The following DNTT variants were observed in gnomAD, a reference collection of about 807,000 sequenced individuals.
DNTT encodes the protein DNA nucleotidylexotransferase, also known as nucleosidetriphosphate:DNA deoxynucleotidylexotransferase.
In DNTT, 47 loss-of-function variants were observed where a neutral mutation model predicts 60.9. That is an observed-to-expected ratio of 0.77 (90% CI 0.61 to 0.98). DNTT has a LOEUF of 0.98. Ranked by LOEUF, DNTT falls within the 50% of genes least tolerant of loss-of-function variation. DNTT has a pLI of 0.00. For missense variants in DNTT, 665 were observed against 627.5 expected, an observed-to-expected ratio of 1.06 and a Z score of -0.64; for synonymous variants, 224 against 221.2, an observed-to-expected ratio of 1.01 and a Z score of -0.11.
At chr10:96,310,152 C>T (rs747282822) in intron 1 of DNTT, among the ~76,000 whole-genome samples, 12 of 152,206 alleles carry the variant, frequency 7.9e-5, no homozygotes, top group Non-Finnish European at 1.6e-4. Context: ...AGGGGCACAC[C>T]CTTCCCCTAG....
intron 1 of DNTT, among the ~76,000 whole-genome samples, chr10:96,305,955 TC>T (rs752975773): frequency 1.4e-4 from 22 of 152,172 alleles, no homozygotes; most frequent in Non-Finnish European, 2.5e-4. Context: ...ACTCTGAATC[TC>T]ATTTTCTAAC....
chr10:96,311,086 C>T (rs1454972032), intron 1 of DNTT, among the ~76,000 whole-genome samples: 1 of 152,124 alleles, frequency 6.6e-6, no homozygotes, highest in Non-Finnish European at 1.5e-5. Flanking sequence ...GAGACAGAAA[C>T]CTGTCCTTAG....
chr10:96,330,331 T>C (rs1466714252), intron 8 of DNTT, among the ~76,000 whole-genome samples: 2 of 151,538 alleles, frequency 1.3e-5, no homozygotes, highest in African/African-American at 2.4e-5. Context: ...TTTTTTTTTT[T>C]TTAAGGGAAG....
intron 5 of DNTT, among the ~76,000 whole-genome samples, chr10:96,323,284 G>A (rs921740694): frequency 3.3e-5 from 5 of 152,104 alleles, no homozygotes; most frequent in African/African-American, 1.2e-4. Flanking sequence ...GGGTGATAGA[G>A]TGAGACTGTC....
At chr10:96,328,884 A>T (rs41291620) in intron 8 of DNTT, 54 bp downstream of exon 8, 17 of 1,529,126 alleles carry the variant, frequency 1.1e-5, no homozygotes, top group Non-Finnish European at 1.4e-5. Context: ...TTAACACTTG[A>T]ATTTTGCACA....
chr10:96,315,732 A>G (rs117189895), intron 1 of DNTT, among the ~76,000 whole-genome samples: 2,075 of 151,146 alleles, frequency 0.014, 13 homozygotes, highest in Middle Eastern at 0.025. Context: ...TAATAATATT[A>G]TAATAAATAA....
chr10:96,309,574 C>G (rs751032014), intron 1 of DNTT, among the ~76,000 whole-genome samples: 48 of 152,086 alleles, frequency 3.2e-4, no homozygotes, highest in Non-Finnish European at 6.5e-4. Context: ...TCCATTCAGT[C>G]ATTATATAAT....
rs760057248 is a variant in DNTT, at chr10:96,318,475, A to C, written c.327A>C (p.Glu109Asp). ...TCCTCGATGTCTCCTGGCTGATCGAATGCATAAGAGCAGGGAAACCGGTGG... is the reference window on the plus strand; with the variant it reads ...TCCTCGATGTCTCCTGGCTGATCGACTGCATAAGAGCAGGGAAACCGGTGG... ...PELLDVSWLI[E>D]CIRAGKPVEM... The change falls in exon 2 of 11, where the codon GAA becomes GAC. Residue 109 changes from glutamate (E) to aspartate (D), a missense_variant. Glu to Asp is a conservative substitution (Grantham distance 45). Transcript: ENST00000371174. The C allele has an allele frequency of 1.6e-5, 26 of 1,613,816 alleles. No homozygotes were observed. The highest frequency in any genetic ancestry group is 2.1e-5 in the Non-Finnish European group (25 of 1,179,866).
intron 1 of DNTT, among the ~76,000 whole-genome samples, chr10:96,307,108 A>G (rs1844647441): frequency 6.6e-6 from 1 of 152,228 alleles, no homozygotes; most frequent in South Asian, 2.1e-4. Flanking sequence ...TGATAAATTA[A>G]AACAGTTAGA....
At chr10:96,333,285 C>T (rs1480068100) in intron 9 of DNTT, among the ~76,000 whole-genome samples, 3 of 152,170 alleles carry the variant, frequency 2.0e-5, no homozygotes, top group Non-Finnish European at 4.4e-5. Flanking sequence ...TCACATCCGT[C>T]AGATTGGCTA....
chr10:96,321,925 T>C (rs1174032641), intron 4 of DNTT, among the ~76,000 whole-genome samples: 1 of 152,158 alleles, frequency 6.6e-6, no homozygotes, highest in Non-Finnish European at 1.5e-5. Flanking sequence ...AGCAGAACTC[T>C]CCCATACTGT....
intron 4 of DNTT, among the ~76,000 whole-genome samples, chr10:96,321,259 C>G (rs1033678668): frequency 3.3e-5 from 5 of 152,100 alleles, no homozygotes; most frequent in Non-Finnish European, 7.4e-5. Context: ...GGAAGAGACC[C>G]AAGTGGGCAA....
At chr10:96,335,071 A>G (rs770639201) in intron 9 of DNTT, among the ~76,000 whole-genome samples, 1 of 152,216 alleles carries the variant, frequency 6.6e-6, no homozygotes, top group African/African-American at 2.4e-5. Flanking sequence ...TTCCTAAAAT[A>G]GCAAATTGTT....
intron 1 of DNTT, among the ~76,000 whole-genome samples, chr10:96,310,579 G>A (rs1844703738): frequency 6.6e-6 from 1 of 152,146 alleles, no homozygotes; most frequent in Non-Finnish European, 1.5e-5. Flanking sequence ...CCAGAGAGAA[G>A]CTTTCCTCCC....
At position 96,332,595 on chromosome 10, in the gene DNTT, G is replaced by C; in HGVS notation, c.1358G>C (p.Arg453Pro). The C allele has an allele frequency of 1.2e-6, 2 of 1,612,866 alleles. No individual in the cohort carries two copies. The highest frequency in any genetic ancestry group is 1.7e-6 in the Non-Finnish European group (2 of 1,179,572). The change falls in exon 9 of 11, where the codon CGG becomes CCG. Residue 453 changes from arginine to proline, a missense_variant and splice_region_variant. Arg to Pro is a moderately radical substitution (Grantham distance 103, BLOSUM62 -2). Coordinates refer to ENST00000371174, the MANE Select transcript of DNTT (RefSeq NM_004088.4). Reference sequence around the variant, plus strand: ...GCCCTGTTGGGATGGACTGGCTCCCGGGTAAGTGCTACATGGACCCATGGG... The same window carrying C: ...GCCCTGTTGGGATGGACTGGCTCCCCGGTAAGTGCTACATGGACCCATGGG... ...AFALLGWTGSRQFERDLRRYA... is the reference protein window; with the variant it reads ...AFALLGWTGSPQFERDLRRYA...
At chr10:96,316,633 C>T (rs1844790005) in intron 1 of DNTT, among the ~76,000 whole-genome samples, 1 of 152,206 alleles carries the variant, frequency 6.6e-6, no homozygotes, top group Admixed American at 6.5e-5. Context: ...GTCCTTCTGG[C>T]CCCTGACCCT....
intron 10 of DNTT, among the ~76,000 whole-genome samples, chr10:96,337,778 A>G (rs1159412609): frequency 6.6e-6 from 1 of 152,150 alleles, no homozygotes; most frequent in Non-Finnish European, 1.5e-5. Context: ...TGATTATAAG[A>G]TCTCTCCTGA....
chr10:96,306,429 G>A (rs1844638953), intron 1 of DNTT: 2 of 152,186 alleles, frequency 1.3e-5, no homozygotes, highest in African/African-American at 4.8e-5. Flanking sequence ...AAAAGCCTTA[G>A]CAAATATGGA....
rs77358696 is a variant in DNTT at position 96,327,469 on chromosome 10, A to T, written c.876A>T (p.Gly292=). 1 of 1,613,874 alleles carries T rather than the reference A, an allele frequency of 6.2e-7. No individual in the cohort carries two copies. The highest frequency in any genetic ancestry group is 8.5e-7 in the Non-Finnish European group (1 of 1,179,914). The stretch of plus-strand genomic sequence containing the variant: ...TTGACCTGTCAAATGGCCTCTCAGG[A>T]TTTCTGTATTATGAAGACCTTGTCA... ...SLKFTRMQKA[G]FLYYEDLVSC... The change falls in exon 7 of 11, where the codon GGA becomes GGT. Residue 292 remains glycine (G), a splice_region_variant and synonymous_variant. Transcript: ENST00000371174.
Sources: gnomAD v4.1 joint callset for allele counts (sites outside exome capture counted in the v4.1 genomes callset) on GRCh38, gnomAD v4.1.1 for gene constraint, MANE v1.5 for transcripts, NCBI Gene and HGNC (gene_info 2026-07-23, HGNC 2026-07-21) for gene names.